Variants in KHDRBS2 observed in about 807,000 individuals in gnomAD.
KHDRBS2 encodes KH domain-containing, RNA-binding, signal transduction-associated protein 2.
Under a neutral mutation model 44.3 loss-of-function variants are expected in KHDRBS2, and 26 were observed. The observed-to-expected ratio is 0.59, with a 90% CI of 0.43 to 0.81. The LOEUF is 0.81. KHDRBS2 is among the 40% of genes least tolerant of loss of function. KHDRBS2 has a pLI of 0.00. For synonymous variants in KHDRBS2, 194 were observed against 151.1 expected (o/e 1.28, Z -2.08); for missense variants, 476 against 433.1 (o/e 1.10, Z -0.88).
rs117869516 is a variant in KHDRBS2, at chr6:61,934,314, T to C, written c.484-32943A>G. 1.9e-4 allele frequency among the ~76,000 whole-genome samples: 29 copies of C among 152,336 alleles called. 2 individuals are homozygous for C. In the East Asian group the frequency reaches 4.8e-3, roughly 25 times the overall value. Reference sequence around the variant, plus strand: ...AACTTTTTGGTTAGATGTAATTCCATTCGTCTGTTTTTGCTTTTATTGCTT... The same window carrying C: ...AACTTTTTGGTTAGATGTAATTCCACTCGTCTGTTTTTGCTTTTATTGCTT... On this transcript the variant is annotated intron_variant, in intron 4 of 8. Coordinates refer to ENST00000281156, the MANE Select transcript of KHDRBS2 (RefSeq NM_152688.4).
At chr6:61,672,663 C>G in the KHDRBS2 span, among the ~76,000 whole-genome samples, 88 of 152,158 alleles carry the variant, frequency 5.8e-4, no homozygotes, top group African/African-American at 2.0e-3. Context: ...AGTGTCTGTT[C>G]ATGTCCTTTG....
the KHDRBS2 span, among the ~76,000 whole-genome samples, chr6:61,663,663 C>G: frequency 1.3e-5 from 2 of 149,560 alleles, no homozygotes; most frequent in African/African-American, 4.9e-5. Flanking sequence ...ATCATAAGAC[C>G]TTATTGTTTT....
intron 6 of KHDRBS2, among the ~76,000 whole-genome samples, chr6:61,856,989 G>A (rs1796249213): frequency 6.6e-6 from 1 of 152,088 alleles, no homozygotes; most frequent in South Asian, 2.1e-4. Context: ...CTCACATATT[G>A]TGCTGAAGTG....
chr6:62,049,670 A>C (rs992799137), intron 2 of KHDRBS2, among the ~76,000 whole-genome samples: 5 of 152,010 alleles, frequency 3.3e-5, no homozygotes, highest in Non-Finnish European at 5.9e-5. Flanking sequence ...TAGATATCAG[A>C]CCTTTGTCAG....
intron 1 of KHDRBS2, among the ~76,000 whole-genome samples, chr6:62,196,586 G>C (rs942483782): frequency 3.8e-5 from 2 of 52,940 alleles, no homozygotes; most frequent in African/African-American, 1.8e-4. Context: ...GTCTATCCTT[G>C]GGAAGATGGA....
At chr6:62,244,596 AT>A (rs938905761) in intron 1 of KHDRBS2, among the ~76,000 whole-genome samples, 10 of 151,516 alleles carry the variant, frequency 6.6e-5, no homozygotes, top group South Asian at 2.1e-4. Flanking sequence ...TATTTACACA[AT>A]TTTTTTTTCA....
intron 1 of KHDRBS2, among the ~76,000 whole-genome samples, chr6:62,255,605 AACACACACACACACACACACACAC>A (rs60498757): frequency 3.6e-5 from 5 of 137,510 alleles, no homozygotes; most frequent in Admixed American, 7.5e-5. Flanking sequence ...CATGCTTTAA[AACACACACACACACACACACACAC>A]ACACACACAC....
chr6:62,275,021 A>AC (rs1306832922), intron 1 of KHDRBS2, among the ~76,000 whole-genome samples: 1 of 151,238 alleles, frequency 6.6e-6, no homozygotes, highest in Non-Finnish European at 1.5e-5. Flanking sequence ...ACACACACAC[A>AC]CACACACACA....
At chr6:61,543,651 C>G in the KHDRBS2 span, among the ~76,000 whole-genome samples, 3 of 152,054 alleles carry the variant, frequency 2.0e-5, no homozygotes, top group African/African-American at 7.2e-5. Context: ...TATCTACACT[C>G]CCATATTTCT....
At chr6:61,727,003 C>T (rs148973954) in intron 7 of KHDRBS2, among the ~76,000 whole-genome samples, 2,887 of 152,182 alleles carry the variant, frequency 0.019, 53 homozygotes, top group Non-Finnish European at 0.03. Context: ...GGAGACATCA[C>T]GCTACCTGAA....
chr6:62,167,511 C>G, intron 2 of KHDRBS2, among the ~76,000 whole-genome samples: 1 of 152,160 alleles, frequency 6.6e-6, no homozygotes, highest in Admixed American at 6.6e-5. Context: ...ATTTCAAATG[C>G]CATTCTATTG....
intron 4 of KHDRBS2, among the ~76,000 whole-genome samples, chr6:61,954,969 C>T (rs1231359510): frequency 7.7e-6 from 1 of 130,664 alleles, no homozygotes; most frequent in Non-Finnish European, 1.6e-5. Flanking sequence ...TATATATACG[C>T]ATACATATGT....
intron 3 of KHDRBS2, among the ~76,000 whole-genome samples, chr6:61,986,004 T>G (rs901280469): frequency 3.3e-5 from 5 of 152,116 alleles, no homozygotes; most frequent in African/African-American, 1.2e-4. Flanking sequence ...TTGGAAGCAC[T>G]AGAGTATAGT....
rs749204842 is a variant in KHDRBS2, at chr6:61,901,300, A to C, written c.555T>G (p.Gly185=). Residue 185 remains glycine, a synonymous_variant, in exon 5 of 9, where the codon GGT becomes GGG. Coordinates refer to ENST00000281156, the MANE Select transcript of KHDRBS2 (RefSeq NM_152688.4). ...LSYLNGSEDS[G]RGRGIRGRGI... is the part of the protein sequence containing the mutation. The stretch of plus-strand genomic sequence containing the variant: ...CTCTGCCTCTAATACCTCTGCCACG[A>C]CCAGAGTCCTCTGAGCCATTTAAGT... The C allele has an allele frequency of 1.9e-6, 3 of 1,613,298 alleles. No individual in the cohort carries two copies. Among genetic ancestry groups the C allele is most frequent in the Non-Finnish European group, 2.5e-6 (3 of 1,179,290 alleles).
At chr6:62,209,559 A>C (rs2150143898) in intron 1 of KHDRBS2, among the ~76,000 whole-genome samples, 1 of 152,226 alleles carries the variant, frequency 6.6e-6, no homozygotes, top group Admixed American at 6.5e-5. Context: ...AATATGCCCT[A>C]TGTGATGGTT....
intron 6 of KHDRBS2, among the ~76,000 whole-genome samples, chr6:61,781,987 A>G (rs1783000602): frequency 6.6e-6 from 1 of 152,150 alleles, no homozygotes; most frequent in Admixed American, 6.6e-5. Context: ...ACCTTTGAGG[A>G]ACTCCAGGTA....
chr6:61,824,732 A>G (rs551190829), intron 6 of KHDRBS2, among the ~76,000 whole-genome samples: 2 of 152,276 alleles, frequency 1.3e-5, no homozygotes, highest in East Asian at 3.9e-4. Context: ...TATTAATATG[A>G]CATTAAATCA....
chr6:61,896,027 C>T (rs959335491), intron 5 of KHDRBS2, among the ~76,000 whole-genome samples: 5 of 152,226 alleles, frequency 3.3e-5, no homozygotes, highest in East Asian at 1.9e-4. Flanking sequence ...AGAATACTCT[C>T]CTAGATTGGG....
At chr6:62,199,571 A>T (rs188925631) in intron 1 of KHDRBS2, among the ~76,000 whole-genome samples, 89 of 152,322 alleles carry the variant, frequency 5.8e-4, no homozygotes, top group African/African-American at 2.0e-3. Flanking sequence ...ACCACTGCTC[A>T]ATGAAATAAA....
Sources: gnomAD v4.1 joint callset for allele counts (sites outside exome capture counted in the v4.1 genomes callset) on GRCh38, gnomAD v4.1.1 for gene constraint, MANE v1.5 for transcripts, NCBI Gene and HGNC (gene_info 2026-07-23, HGNC 2026-07-21) for gene names.